Variants in CLCA1 observed in about 807,000 individuals in gnomAD.
CLCA1 encodes the protein calcium-activated chloride channel regulator 1.
In CLCA1, 59 loss-of-function variants were observed where a neutral mutation model predicts 85.6. The ratio of observed to expected loss-of-function variants is 0.69; its 90% CI spans 0.56 to 0.86. The LOEUF (loss-of-function observed/expected upper bound fraction) is 0.86. Among genes scored for constraint, CLCA1 ranks in the 40% least tolerant of loss-of-function variants. The pLI is 0.00. For missense variants in CLCA1, 1,022 were observed against 1,101.4 expected (o/e 0.93, Z 1.02); for synonymous variants, 396 against 398.3 (o/e 0.99, Z 0.07).
intron 12 of CLCA1, 82 bp downstream of exon 12, chr1:86,495,757 G>A: frequency 7.9e-7 from 1 of 1,271,538 alleles, no homozygotes; most frequent in Non-Finnish European, 1.1e-6. Flanking sequence ...GGGGCAGAAT[G>A]GTGCATGATT....
intron 4 of CLCA1, among the ~76,000 whole-genome samples, chr1:86,477,751 T>A (rs1320249113): frequency 6.6e-6 from 1 of 152,174 alleles, no homozygotes; most frequent in African/African-American, 2.4e-5. Flanking sequence ...AAGTAATGAA[T>A]ATAGTATATG....
At chr1:86,485,596 G>C in intron 6 of CLCA1, 35 bp downstream of exon 6, 2 of 1,587,458 alleles carry the variant, frequency 1.3e-6, no homozygotes, top group Non-Finnish European at 1.7e-6. Flanking sequence ...CTGGATGCTG[G>C]TCACAGATAT....
intron 4 of CLCA1, among the ~76,000 whole-genome samples, chr1:86,476,976 C>T (rs1570280783): frequency 6.6e-6 from 1 of 152,204 alleles, no homozygotes; most frequent in East Asian, 1.9e-4. Context: ...GTGATGCAAT[C>T]ACAGCTCACT....
intron 3 of CLCA1, among the ~76,000 whole-genome samples, chr1:86,475,147 C>T (rs1242395609): frequency 6.6e-6 from 1 of 152,220 alleles, no homozygotes; most frequent in Non-Finnish European, 1.5e-5. Flanking sequence ...TCATCCCACT[C>T]CTGAGCCCAC....
intron 3 of CLCA1, among the ~76,000 whole-genome samples, chr1:86,476,050 G>T (rs939981424): frequency 8.5e-5 from 13 of 152,132 alleles, no homozygotes; most frequent in Admixed American, 6.5e-4. Context: ...TGAGGGAGGA[G>T]AATTGGTTGA....
Position 86,489,122 on chromosome 1 carries a change from T to C in CLCA1, c.1309T>C (p.Leu437=), listed in dbSNP as rs1345056177. Residue 437 remains leucine (L), a synonymous_variant, in exon 8 of 14, where the codon TTG becomes CTG. Transcript: ENST00000394711. ...QSGAIIHTVA[L]GPSAAQELEE... is the part of the protein sequence containing the mutation. ...TGGTGCCATCATCCACACAGTCGCT[T>C]TGGGGCCCTCTGCAGCTCAAGAACT... 1 of 1,614,146 alleles carries C rather than the reference T, an allele frequency of 6.2e-7. No individual in the cohort carries two copies.
intron 10 of CLCA1, among the ~76,000 whole-genome samples, chr1:86,493,851 T>C (rs1478173793): frequency 1.3e-5 from 2 of 152,152 alleles, no homozygotes; most frequent in South Asian, 2.1e-4. Flanking sequence ...GTAATCAAGA[T>C]GCAAAATGAT....
intron 4 of CLCA1, among the ~76,000 whole-genome samples, chr1:86,476,896 T>C (rs1647651120): frequency 6.6e-6 from 1 of 152,138 alleles, no homozygotes; most frequent in African/African-American, 2.4e-5. Flanking sequence ...CTTCGGTGCC[T>C]TCAGGGCAGA....
chr1:86,495,474 C>T (rs1407141), intron 11 of CLCA1, 31 bp from the exon 12 acceptor site: 120,500 of 1,562,092 alleles, frequency 0.077, 5,970 homozygotes, highest in East Asian at 0.21. Context: ...TCCCCGTTAC[C>T]TATTTATTAA....
chr1:86,483,107 G>T (rs555999508), intron 5 of CLCA1, among the ~76,000 whole-genome samples: 1 of 152,246 alleles, frequency 6.6e-6, no homozygotes, highest in Admixed American at 6.5e-5. Flanking sequence ...AACAGGAATG[G>T]AGCATAAGTT....
intron 8 of CLCA1, 149 bp from the exon 9 acceptor site, chr1:86,491,116 G>A (rs1648123699): frequency 1.9e-6 from 1 of 517,730 alleles, no homozygotes. Context: ...CAAATTCTGA[G>A]TTAATGTAGG....
At chr1:86,482,677 T>C (rs1479745781) in intron 5 of CLCA1, among the ~76,000 whole-genome samples, 1 of 152,234 alleles carries the variant, frequency 6.6e-6, no homozygotes, top group Non-Finnish European at 1.5e-5. Context: ...CTTACTTAAA[T>C]AAGGACTTAA....
chr1:86,495,767 T>G (rs574477720), intron 12 of CLCA1, 92 bp downstream of exon 12: 2 of 1,193,308 alleles, frequency 1.7e-6, no homozygotes, highest in African/African-American at 1.5e-5. Context: ...GGTGCATGAT[T>G]AAATCAGGGT....
chr1:86,479,415 A>AAAATT (rs1647759319), intron 4 of CLCA1, among the ~76,000 whole-genome samples: 1 of 152,226 alleles, frequency 6.6e-6, no homozygotes, highest in South Asian at 2.1e-4. Flanking sequence ...AAACGCAAAC[A>AAAATT]AAATTCATAT....
chr1:86,500,016 A>C lies in CLCA1; in HGVS notation c.2716A>C (p.Ile906Leu), dbSNP rs903086430. The C allele has an allele frequency of 1.2e-6, 2 of 1,611,728 alleles. No individual in the cohort carries two copies. Among genetic ancestry groups the C allele is most frequent in the African/African-American group, 2.7e-5 (2 of 74,884 alleles). The part of the protein sequence containing the change: ...IHILKIMWKW[I>L]GELQLSIA ...CATTTTAAAAATTATGTGGAAGTGG[A>C]TAGGAGAACTGCAGCTGTCAATAGC... The change falls in exon 14 of 14, where the codon ATA becomes CTA. Residue 906 changes from isoleucine to leucine, a missense_variant. Physicochemically the swap from Ile to Leu is conservative, Grantham distance 5 (BLOSUM62 2). Coordinates refer to ENST00000394711, the MANE Select transcript of CLCA1 (RefSeq NM_001285.4).
rs199987194 is a variant in CLCA1 at position 86,469,162 on chromosome 1, T to C, written c.162+29T>C. 67 of 1,526,896 alleles carry C rather than the reference T, an allele frequency of 4.4e-5. No homozygotes were observed. The East Asian group carries it at 1.5e-3, about 35-fold the overall frequency. The allele number at this position is 1,526,896 out of a possible 1,614,324, so 94.6% of individuals were successfully genotyped here. A position where few individuals can be genotyped will look rare whatever the true frequency, so the allele number is the denominator to read the frequency against. On this transcript the variant is annotated intron_variant, in intron 1 of 13. Transcript: ENST00000394711. Reference sequence around the variant, plus strand: ...AGTTCATAGTAATTATCCATACTTTTTTAAAAATAGCATAATGTTGTGATA... The same window carrying C: ...AGTTCATAGTAATTATCCATACTTTCTTAAAAATAGCATAATGTTGTGATA...
chr1:86,474,633 A>G (rs1647597635), intron 3 of CLCA1, among the ~76,000 whole-genome samples: 9 of 152,062 alleles, frequency 5.9e-5, no homozygotes. Flanking sequence ...ACAAGCTCAC[A>G]GGAGATGTTG....
At chr1:86,474,567 G>T (rs78690757) in intron 3 of CLCA1, among the ~76,000 whole-genome samples, 2 of 84,810 alleles carry the variant, frequency 2.4e-5, no homozygotes, top group Non-Finnish European at 5.1e-5. Context: ...AAAAAAAAAA[G>T]GGGGGGGATT....
chr1:86,499,246 A>G (rs1648387587), intron 13 of CLCA1, among the ~76,000 whole-genome samples: 1 of 152,220 alleles, frequency 6.6e-6, no homozygotes, highest in African/African-American at 2.4e-5. Flanking sequence ...CTTGTTAGAA[A>G]GTGTTTTCAG....
Sources: gnomAD v4.1 joint callset for allele counts (sites outside exome capture counted in the v4.1 genomes callset) on GRCh38, gnomAD v4.1.1 for gene constraint, MANE v1.5 for transcripts, NCBI Gene and HGNC (gene_info 2026-07-23, HGNC 2026-07-21) for gene names.